The following OSBPL11 variants were observed in gnomAD, a reference collection of about 807,000 sequenced individuals.
The protein encoded by OSBPL11 is oxysterol binding protein like 11, also known as oxysterol-binding protein-related protein 11.
OSBPL11 carries 33 observed loss-of-function variants against 84.4 expected under a neutral mutation model. The ratio of observed to expected loss-of-function variants is 0.39; its 90% CI spans 0.30 to 0.52. OSBPL11 has a LOEUF of 0.52. Among genes scored for constraint, OSBPL11 ranks in the 20% least tolerant of loss-of-function variants. The pLI is 0.72. For missense variants in OSBPL11, 736 were observed against 901.1 expected, an observed-to-expected ratio of 0.82 and a Z score of 2.35; for synonymous variants, 276 against 310.2, an observed-to-expected ratio of 0.89 and a Z score of 1.16.
In OSBPL11 at chr3:125,563,701, C is replaced by A; in HGVS notation, c.1011G>T (p.Ala337=). The change falls in exon 7 of 13, where the codon GCG becomes GCT. Residue 337 remains alanine (A), a synonymous_variant. Coordinates refer to ENST00000296220, the MANE Select transcript of OSBPL11 (RefSeq NM_022776.5). ...TCATATTTTTATATTACCTTACCCT[C>A]GCTAATAGTCCAGATTCTGCAACAG... ...EQPVAESGLL[A]REPEEINADD... is the part of the protein sequence containing the mutation. 6.2e-7 allele frequency: 1 copy of A among 1,613,976 alleles called. No individual in the cohort carries two copies. The highest frequency in any genetic ancestry group is 8.5e-7 in the Non-Finnish European group (1 of 1,179,980).
At chr3:125,559,251 T>C (rs2922188) in intron 8 of OSBPL11, among the ~76,000 whole-genome samples, 85,635 of 152,034 alleles carry the variant, frequency 0.56, 25,669 homozygotes, top group African/African-American at 0.78. Context: ...GTGTCAATGC[T>C]TTTCATAGTT....
Position 125,563,792 on chromosome 3 carries a change from T to G in OSBPL11, c.920A>C (p.Lys307Thr). 6.2e-7 allele frequency: 1 copy of G among 1,614,218 alleles called. No individual in the cohort carries two copies. Among genetic ancestry groups the G allele is most frequent in the Non-Finnish European group, 8.5e-7 (1 of 1,180,038 alleles). Residue 307 changes from lysine (K) to threonine (T), a missense_variant, in exon 7 of 13, where the codon AAA becomes ACA. This residue lies in a region of OSBPL11 where 579 missense variants were observed against 717.6 expected (regional missense o/e 0.81). Coordinates refer to ENST00000296220, the MANE Select transcript of OSBPL11 (RefSeq NM_022776.5). Reference sequence around the variant, plus strand: ...TGCAAAGGGCTGGTCAGCTCCATTTTTATAGTGGTTTGATAAAGATATCTT... The same window carrying G: ...TGCAAAGGGCTGGTCAGCTCCATTTGTATAGTGGTTTGATAAAGATATCTT... Reference protein sequence around the residue: ...EPKISLSNHYKNGADQPFATD... With the variant: ...EPKISLSNHYTNGADQPFATD...
At chr3:125,562,174 T>C (rs1348352616) in intron 7 of OSBPL11, among the ~76,000 whole-genome samples, 1 of 152,098 alleles carries the variant, frequency 6.6e-6, no homozygotes, top group African/African-American at 2.4e-5. Context: ...AATGCCCCTA[T>C]CCCAATAGCC....
At chr3:125,560,627 G>T in intron 7 of OSBPL11, 108 bp from the exon 8 acceptor site, 1 of 1,063,704 alleles carries the variant, frequency 9.4e-7, no homozygotes, top group Non-Finnish European at 1.3e-6. Context: ...TGACCTAAGT[G>T]AATCTGAGTA....
intron 1 of OSBPL11, among the ~76,000 whole-genome samples, chr3:125,592,239 A>C (rs1936606617): frequency 6.6e-6 from 1 of 151,960 alleles, no homozygotes; most frequent in Admixed American, 6.6e-5. Flanking sequence ...GGGTCTCTCT[A>C]TGTTGCCCAG....
At chr3:125,573,181 C>T (rs1183791877) in intron 5 of OSBPL11, among the ~76,000 whole-genome samples, 2 of 151,544 alleles carry the variant, frequency 1.3e-5, no homozygotes, top group African/African-American at 2.4e-5. Context: ...AGTGATGGTT[C>T]CTTGATACTA....
intron 10 of OSBPL11, among the ~76,000 whole-genome samples, chr3:125,541,562 G>T (rs558643971): frequency 4.3e-4 from 66 of 152,198 alleles, no homozygotes; most frequent in African/African-American, 1.5e-3. Flanking sequence ...TTTAGGTAAG[G>T]TGCCCCGAAT....
intron 4 of OSBPL11, among the ~76,000 whole-genome samples, chr3:125,576,678 T>C (rs929867907): frequency 1.3e-5 from 2 of 151,580 alleles, no homozygotes; most frequent in African/African-American, 4.8e-5. Context: ...TTAAACACCA[T>C]GAATTTTTTT....
chr3:125,551,055 T>TAAG (rs1013398654), intron 9 of OSBPL11, among the ~76,000 whole-genome samples: 1 of 151,658 alleles, frequency 6.6e-6, no homozygotes, highest in African/African-American at 2.4e-5. Flanking sequence ...TCCTAGCTAC[T>TAAG]TGGGAGGCTG....
intron 10 of OSBPL11, among the ~76,000 whole-genome samples, chr3:125,546,865 C>T (rs976247277): frequency 9.9e-5 from 15 of 151,002 alleles, no homozygotes; most frequent in Non-Finnish European, 1.6e-4. Context: ...CCAGCCTAGG[C>T]GACAGAGTGA....
rs1459105082 is a variant in OSBPL11 at position 125,567,386 on chromosome 3, C to T, written c.868+8G>A. ...ATTGTGAAGCCCTACCTTTAATCGA[C>T]AACTTACCTGAAGGCAATGAGCCCT... On this transcript the variant is annotated splice_region_variant and intron_variant, in intron 6 of 12. Transcript: ENST00000296220. The T allele has an allele frequency of 6.2e-7, 1 of 1,607,418 alleles. No homozygotes were observed. The highest frequency in any genetic ancestry group is 1.3e-5 in the African/African-American group (1 of 74,738).
chr3:125,554,472 T>C (rs1355875429), intron 8 of OSBPL11, among the ~76,000 whole-genome samples: 2 of 152,130 alleles, frequency 1.3e-5, no homozygotes, highest in Non-Finnish European at 2.9e-5. Flanking sequence ...TATGGGACAA[T>C]GAAAAACATA....
intron 8 of OSBPL11, among the ~76,000 whole-genome samples, chr3:125,557,075 TA>T (rs1339316060): frequency 6.6e-6 from 1 of 152,198 alleles, no homozygotes; most frequent in Non-Finnish European, 1.5e-5. Flanking sequence ...TGAAGAAAGA[TA>T]AAAGTGAGAG....
At chr3:125,573,545 C>T (rs1207933722) in intron 5 of OSBPL11, among the ~76,000 whole-genome samples, 3 of 152,110 alleles carry the variant, frequency 2.0e-5, no homozygotes, top group Non-Finnish European at 4.4e-5. Flanking sequence ...TTTTCAAGGA[C>T]AGTATGATAC....
chr3:125,552,158 T>C lies in OSBPL11; in HGVS notation c.1654+23A>G, dbSNP rs1049305879. On this transcript the variant is annotated intron_variant, in intron 9 of 12. Transcript: ENST00000296220. ...GTGTGTGTGTATATATATATATATA[T>C]ATAAAATAATTTTTCTACTTACCTT... 5.7e-6 allele frequency: 7 copies of C among 1,228,122 alleles called. No homozygotes were observed. The Admixed American group carries it at 1.5e-4, about 26-fold the overall frequency. The allele number at this position is 1,228,122 out of a possible 1,614,324, so 76.1% of individuals were successfully genotyped here. A position where few individuals can be genotyped will look rare whatever the true frequency, so the allele number is the denominator to read the frequency against.
In OSBPL11 at chr3:125,534,320, T is replaced by G. The variant is rs372427590; in HGVS notation, c.2025-2306A>C. 1.4e-4 allele frequency among the ~76,000 whole-genome samples: 21 copies of G among 150,966 alleles called. 1 individual carries two copies. The South Asian group carries it at 2.5e-3, about 18-fold the overall frequency. ...ATCGCTTGAACCAGGGAGGTGGAGGTTGCAGTGAGCCGAGACTGCATCACT... is the reference window on the plus strand; with the variant it reads ...ATCGCTTGAACCAGGGAGGTGGAGGGTGCAGTGAGCCGAGACTGCATCACT... On this transcript the variant is annotated intron_variant, in intron 11 of 12. Coordinates refer to ENST00000296220, the MANE Select transcript of OSBPL11 (RefSeq NM_022776.5).
At chr3:125,549,609 G>C (rs1267114284) in intron 9 of OSBPL11, among the ~76,000 whole-genome samples, 2 of 152,082 alleles carry the variant, frequency 1.3e-5, no homozygotes, top group African/African-American at 4.8e-5. Context: ...AGTCTCCCAA[G>C]TACCTGAGAT....
intron 11 of OSBPL11, among the ~76,000 whole-genome samples, chr3:125,533,068 G>A (rs758479158): frequency 5.9e-5 from 9 of 151,916 alleles, no homozygotes; most frequent in Non-Finnish European, 1.2e-4. Flanking sequence ...GAGATCTTAC[G>A]GTAGGATGAA....
At chr3:125,557,169 T>G (rs1411670928) in intron 8 of OSBPL11, among the ~76,000 whole-genome samples, 1 of 152,190 alleles carries the variant, frequency 6.6e-6, no homozygotes, top group African/African-American at 2.4e-5. Flanking sequence ...TAATATTATT[T>G]AAAAAGAAAC....
Sources: allele counts gnomAD v4.1 joint callset (sites outside exome capture counted in the v4.1 genomes callset), GRCh38; gene constraint gnomAD v4.1.1; regional missense constraint gnomAD v4.1.1; transcripts MANE v1.5; gene names NCBI Gene and HGNC (gene_info 2026-07-23, HGNC 2026-07-21).